Variants in LRRC7 observed in about 807,000 individuals in gnomAD.
LRRC7 encodes the protein leucine rich repeat containing 7.
LRRC7 carries 23 observed loss-of-function variants against 175.7 expected under a neutral mutation model. That is an observed-to-expected ratio of 0.13 (90% CI 0.09 to 0.19). The LOEUF is 0.19. Among genes scored for constraint, LRRC7 ranks in the 10% least tolerant of loss-of-function variants. LRRC7 has a pLI of 1.00. For missense variants in LRRC7, 1,354 were observed against 1,904.7 expected, an observed-to-expected ratio of 0.71 and a Z score of 5.38; for synonymous variants, 685 against 680.9, an observed-to-expected ratio of 1.01 and a Z score of -0.09.
chr1:69,997,495 G>A (rs1389152653), intron 11 of LRRC7, among the ~76,000 whole-genome samples: 1 of 151,906 alleles, frequency 6.6e-6, no homozygotes, highest in Non-Finnish European at 1.5e-5. Flanking sequence ...CAAAGGGAAT[G>A]CTTCCAGTTT....
At chr1:69,978,353 G>C (rs12043911) in intron 8 of LRRC7, among the ~76,000 whole-genome samples, 9,238 of 151,750 alleles carry the variant, frequency 0.061, 276 homozygotes, top group South Asian at 0.11. Flanking sequence ...CAACACATGA[G>C]TGATGTTTTC....
Position 70,141,730 on chromosome 1 carries a change from A to AT in LRRC7, c.*19848dup, listed in dbSNP as rs1419965729. 6.6e-6 allele frequency: 1 copy of AT among 152,096 alleles called. No homozygotes were observed. The highest frequency in any genetic ancestry group is 1.5e-5 in the Non-Finnish European group (1 of 67,990). The allele number at this position is 152,096 out of a possible 1,614,324, so 9.4% of individuals were successfully genotyped here. A position where few individuals can be genotyped will look rare whatever the true frequency, so the allele number is the denominator to read the frequency against. ...TTAGCTGCTTATATTGTACAAAGAT[A>AT]TTTTTGGCTCTTTAAAGGTTATTTT... On this transcript the variant is annotated 3_prime_UTR_variant, in exon 27 of 27. Transcript: ENST00000651989.
At chr1:70,074,632 A>G (rs1257859528) in intron 23 of LRRC7, among the ~76,000 whole-genome samples, 1 of 152,214 alleles carries the variant, frequency 6.6e-6, no homozygotes, top group Non-Finnish European at 1.5e-5. Flanking sequence ...CATGTCTGAG[A>G]TATCTTTACT....
At chr1:69,764,664 T>A (rs1452445476) in intron 3 of LRRC7, among the ~76,000 whole-genome samples, 1 of 151,726 alleles carries the variant, frequency 6.6e-6, no homozygotes, top group East Asian at 1.9e-4. Context: ...TTAGTAAAAC[T>A]CGGGAAGTAA....
At chr1:69,766,853 G>C (rs1490918593) in intron 3 of LRRC7, among the ~76,000 whole-genome samples, 1 of 152,134 alleles carries the variant, frequency 6.6e-6, no homozygotes, top group Admixed American at 6.6e-5. Flanking sequence ...AGAAAAAATA[G>C]GTAGTAAACT....
At chr1:70,093,344 C>T (rs914311859) in intron 25 of LRRC7, among the ~76,000 whole-genome samples, 1 of 152,138 alleles carries the variant, frequency 6.6e-6, no homozygotes, top group Non-Finnish European at 1.5e-5. Context: ...ATGTGATCTT[C>T]ATAACTATTT....
intron 23 of LRRC7, among the ~76,000 whole-genome samples, chr1:70,054,291 T>C (rs1429790395): frequency 6.6e-6 from 1 of 152,124 alleles, no homozygotes; most frequent in Non-Finnish European, 1.5e-5. Flanking sequence ...ATAATTACAA[T>C]AATGTGTATT....
chr1:69,830,347 A>G (rs1013433428), intron 5 of LRRC7, among the ~76,000 whole-genome samples: 15 of 151,802 alleles, frequency 9.9e-5, no homozygotes, highest in Admixed American at 7.9e-4. Context: ...TGGCATATTT[A>G]CTAATAGCTG....
chr1:69,881,359 C>T (rs1397939754), intron 7 of LRRC7, among the ~76,000 whole-genome samples: 2 of 152,086 alleles, frequency 1.3e-5, no homozygotes, highest in Non-Finnish European at 2.9e-5. Context: ...AATATTATTC[C>T]TATCAAAATT....
At position 70,106,792 on chromosome 1, in the gene LRRC7, C is replaced by G. The variant is rs181267649; in HGVS notation, c.4546-960C>G. ...CACACTCACTTATGTGCTGTCCCCT[C>G]TCTCTGCAATTTCCTTCTTCCCCTT... On this transcript the variant is annotated intron_variant, in intron 25 of 26. Transcript: ENST00000651989. 1.1e-3 allele frequency among the ~76,000 whole-genome samples: 168 copies of G among 152,304 alleles called. 2 individuals carry two copies. The highest frequency in any genetic ancestry group is 3.9e-3 in the African/African-American group (164 of 41,578).
intron 2 of LRRC7, among the ~76,000 whole-genome samples, chr1:69,725,221 AG>A (rs1162771653): frequency 6.6e-6 from 1 of 152,180 alleles, no homozygotes; most frequent in Non-Finnish European, 1.5e-5. Flanking sequence ...ATCATCATAA[AG>A]GTCTTCATCC....
rs1446655352 is a variant in LRRC7, at chr1:70,021,039, A to C, written c.1455A>C (p.Thr485=). The part of the protein sequence containing the change: ...FQSDSDSFNP[T]LWEEQRQQRM... ...CAGACAGTGACAGCTTTAACCCTACACTGTGGGAAGAGCAGAGACAACAAC... is the reference window on the plus strand; with the variant it reads ...CAGACAGTGACAGCTTTAACCCTACCCTGTGGGAAGAGCAGAGACAACAAC... The change falls in exon 16 of 27, where the codon ACA becomes ACC. Residue 485 remains threonine, a synonymous_variant. Coordinates refer to ENST00000651989, the MANE Select transcript of LRRC7 (RefSeq NM_001370785.2). 6.2e-7 allele frequency: 1 copy of C among 1,612,734 alleles called. No homozygotes were observed. The highest frequency in any genetic ancestry group is 1.7e-5 in the Admixed American group (1 of 59,982).
intron 26 of LRRC7, among the ~76,000 whole-genome samples, chr1:70,113,375 G>A (rs948335036): frequency 2.6e-5 from 4 of 152,110 alleles, no homozygotes; most frequent in Non-Finnish European, 5.9e-5. Context: ...CAAAGCCCAT[G>A]CACTAAATCT....
chr1:69,612,488 G>A (rs979294209), intron 1 of LRRC7, among the ~76,000 whole-genome samples: 19 of 152,038 alleles, frequency 1.2e-4, no homozygotes, highest in African/African-American at 3.1e-4. Flanking sequence ...ACAGCCTAGC[G>A]TGAATGTAAG....
At chr1:69,921,347 A>G (rs1362710839) in intron 7 of LRRC7, among the ~76,000 whole-genome samples, 1 of 151,878 alleles carries the variant, frequency 6.6e-6, no homozygotes, top group Non-Finnish European at 1.5e-5. Context: ...ACACACACAA[A>G]CACACACACA....
chr1:70,115,070 G>A (rs1665761601), intron 26 of LRRC7, among the ~76,000 whole-genome samples: 2 of 152,116 alleles, frequency 1.3e-5, no homozygotes, highest in South Asian at 4.1e-4. Context: ...AGAAAATGGT[G>A]TTTATTTGGG....
At chr1:69,836,672 TA>T (rs918178727) in intron 6 of LRRC7, among the ~76,000 whole-genome samples, 5 of 151,898 alleles carry the variant, frequency 3.3e-5, no homozygotes, top group African/African-American at 1.2e-4. Context: ...AAATTCCTTT[TA>T]AAACCTGAGA....
Position 70,039,234 on chromosome 1 carries a change from T to C in LRRC7, c.3410T>C (p.Val1137Ala). The C allele has an allele frequency of 6.2e-7, 1 of 1,613,754 alleles. No homozygotes were observed. The highest frequency in any genetic ancestry group is 8.5e-7 in the Non-Finnish European group (1 of 1,179,970). Residue 1137 changes from valine (V) to alanine (A), a missense_variant, in exon 21 of 27, where the codon GTG (valine) becomes GCG (alanine). Val to Ala is a moderately conservative substitution (Grantham distance 64). This residue lies in a region of LRRC7 where 1,032 missense variants were observed against 1,227.2 expected (regional missense o/e 0.84). Transcript: ENST00000651989. ...SQPSVNEDAV[V>A]NAQFASQGAR... ...CCATCTGTGAATGAGGATGCTGTGG[T>C]GAATGCCCAGTTCGCAAGCCAAGGG...
chr1:69,590,798 A>G (rs1470211805), intron 1 of LRRC7, among the ~76,000 whole-genome samples: 2 of 152,132 alleles, frequency 1.3e-5, no homozygotes, highest in Non-Finnish European at 2.9e-5. Flanking sequence ...CTTGATATCA[A>G]ATATGAGCTT....
Sources: gnomAD v4.1 joint callset for allele counts (sites outside exome capture counted in the v4.1 genomes callset) on GRCh38, gnomAD v4.1.1 for gene constraint, gnomAD v4.1.1 regional missense constraint, MANE v1.5 for transcripts, NCBI Gene and HGNC (gene_info 2026-07-23, HGNC 2026-07-21) for gene names.